TSNARE1: variants seen among roughly 807,000 people sequenced by gnomAD.
TSNARE1 encodes the protein t-SNARE domain containing 1.
Under a neutral mutation model 62.0 loss-of-function variants are expected in TSNARE1, and 49 were observed. The ratio of observed to expected loss-of-function variants is 0.79; its 90% CI spans 0.63 to 1.00. The LOEUF (loss-of-function observed/expected upper bound fraction) is 1.00, where lower values mean the gene tolerates loss of function less well. TSNARE1 is among the 50% of genes least tolerant of loss of function. TSNARE1 has a pLI of 0.00. For missense variants in TSNARE1, 755 were observed against 700.1 expected (o/e 1.08, Z -0.88); for synonymous variants, 328 against 294.4 (o/e 1.11, Z -1.17).
At chr8:142,270,216 G>A (rs532738810) in intron 12 of TSNARE1, 19 of 985,152 alleles carry the variant, frequency 1.9e-5, no homozygotes, top group African/African-American at 1.2e-4. Flanking sequence ...TGGCAGCCCC[G>A]CCAAGGGATC....
At chr8:142,333,377 G>T (rs10088016) in intron 4 of TSNARE1, among the ~76,000 whole-genome samples, 75,837 of 152,094 alleles carry the variant, frequency 0.5, 22,792 homozygotes, top group African/African-American at 0.84. Flanking sequence ...CGTGGGTGTC[G>T]GTGCAGTTCT....
chr8:142,379,130 G>C (rs1836545125), intron 1 of TSNARE1, among the ~76,000 whole-genome samples: 3 of 152,134 alleles, frequency 2.0e-5, no homozygotes, highest in Admixed American at 2.0e-4. Flanking sequence ...GCTCACACAT[G>C]TCCTCCCACC....
Position 142,300,476 on chromosome 8 carries a change from C to A in TSNARE1, c.1290+10G>T, listed in dbSNP as rs1348295727. 6.3e-7 allele frequency: 1 copy of A among 1,597,332 alleles called. No individual in the cohort carries two copies. Among genetic ancestry groups the A allele is most frequent in the South Asian group, 1.1e-5 (1 of 90,616 alleles). On this transcript the variant is annotated intron_variant, in intron 10 of 13. Transcript: ENST00000524325. ...TGGAGAGTGAGCACGCTTGCCCACG[C>A]CAGCCTCACCTCCATCTGCAGGATG... is the stretch of plus-strand genomic sequence containing the variant.
intron 12 of TSNARE1, among the ~76,000 whole-genome samples, chr8:142,262,714 C>G (rs900926833): frequency 6.6e-6 from 1 of 152,114 alleles, no homozygotes; most frequent in African/African-American, 2.4e-5. Context: ...GCATGTAAGA[C>G]GTGCCTACTT....
intron 12 of TSNARE1, among the ~76,000 whole-genome samples, chr8:142,251,841 G>A (rs1818183643): frequency 1.4e-5 from 2 of 145,978 alleles, no homozygotes; most frequent in Admixed American, 6.8e-5. Context: ...CTATCTGCAG[G>A]GCCCGGGCAC....
chr8:142,299,631 ACACGCACT>A (rs1198758502), intron 10 of TSNARE1, among the ~76,000 whole-genome samples: 1 of 152,218 alleles, frequency 6.6e-6, no homozygotes, highest in Non-Finnish European at 1.5e-5. Flanking sequence ...GCATGCACAC[ACACGCACT>A]CACGCACGCA....
At chr8:142,338,893 C>T (rs1275772084) in intron 4 of TSNARE1, among the ~76,000 whole-genome samples, 2 of 152,194 alleles carry the variant, frequency 1.3e-5, no homozygotes, top group Admixed American at 6.5e-5. Context: ...CCGGCCCTCC[C>T]TCTGCCATCT....
At chr8:142,287,208 G>A (rs1388261832) in intron 10 of TSNARE1, among the ~76,000 whole-genome samples, 8 of 146,910 alleles carry the variant, frequency 5.4e-5, no homozygotes, top group African/African-American at 2.0e-4. Context: ...CCAGATCTCA[G>A]GGACAGTGGG....
chr8:142,222,495 C>CTCAG (rs1816377241), intron 13 of TSNARE1, among the ~76,000 whole-genome samples: 1 of 111,926 alleles, frequency 8.9e-6, no homozygotes, highest in African/African-American at 3.3e-5. Context: ...CACTCATCCA[C>CTCAG]TCACTCATCC....
intron 1 of TSNARE1, among the ~76,000 whole-genome samples, chr8:142,397,642 C>A (rs772916510): frequency 6.6e-6 from 1 of 152,236 alleles, no homozygotes; most frequent in East Asian, 1.9e-4. Context: ...CTGGCCACAG[C>A]ACTGGGCCAG....
rs917024970 is a variant in TSNARE1 at position 142,284,342 on chromosome 8, G to A, written c.1363+71C>T. On this transcript the variant is annotated intron_variant, in intron 11 of 13. Transcript: ENST00000524325. ...CCCCTTCACCCACCCTTAGGTGAAG[G>A]GGTGAGGGCTGGGGGCTGGCAGGCA... 3.1e-6 allele frequency: 4 copies of A among 1,274,972 alleles called. No individual in the cohort carries two copies. The South Asian group carries it at 3.6e-5, about 11-fold the overall frequency. 79.0% of individuals were successfully genotyped at this position (1,274,972 alleles called of 1,614,324 possible). A position where few individuals can be genotyped will look rare whatever the true frequency, so the allele number is the denominator to read the frequency against.
intron 12 of TSNARE1, chr8:142,272,950 C>A (rs913263577): frequency 6.1e-6 from 6 of 985,454 alleles, no homozygotes; most frequent in Non-Finnish European, 7.2e-6. Flanking sequence ...TTCACAGATG[C>A]CTCATCCCTC....
intron 9 of TSNARE1, among the ~76,000 whole-genome samples, chr8:142,307,381 C>A (rs1826867852): frequency 1.3e-5 from 2 of 152,202 alleles, no homozygotes; most frequent in East Asian, 3.8e-4. Flanking sequence ...CATGTGACTT[C>A]TGTCAACACA....
intron 1 of TSNARE1, among the ~76,000 whole-genome samples, chr8:142,389,934 C>A (rs1488225732): frequency 1.3e-5 from 2 of 152,142 alleles, no homozygotes; most frequent in Admixed American, 1.3e-4. Context: ...ATGCTGGAGC[C>A]CAATACACAC....
chr8:142,214,324 G>T (rs1815725614), intron 13 of TSNARE1, among the ~76,000 whole-genome samples: 1 of 152,204 alleles, frequency 6.6e-6, no homozygotes, highest in African/African-American at 2.4e-5. Context: ...CCGCCATGGG[G>T]CTCGGCCTTG....
chr8:142,319,160 G>A lies in TSNARE1; in HGVS notation c.894-526C>T, dbSNP rs561426536. ...ACTGCGAGGACCACCTTGCTCCGCC[G>A]CAACCACCCCCAAATACCCCACAGA... On this transcript the variant is annotated intron_variant, in intron 6 of 13. Transcript: ENST00000524325. The surrounding 1 kb of genome is among the most constrained non-coding windows in gnomAD (Gnocchi z 4.9). 1.3e-3 allele frequency among the ~76,000 whole-genome samples: 198 copies of A among 152,104 alleles called. No homozygotes were observed. The highest frequency in any genetic ancestry group is 0.011 in the South Asian group (53 of 4,816).
chr8:142,218,151 T>A lies in TSNARE1; in HGVS notation c.*12-5838A>T, dbSNP rs115251728. Among the ~76,000 whole-genome samples, 117 of 58,312 alleles carry A rather than the reference T, an allele frequency of 2.0e-3. 12 individuals are homozygous for A. Among genetic ancestry groups the A allele is most frequent in the African/African-American group, 2.7e-3 (30 of 11,160 alleles). The allele number at this position is 58,312 out of a possible 152,430, so 38.3% of individuals were successfully genotyped here. The stretch of plus-strand genomic sequence containing the variant: ...TCCGTGTGACCAGGATCAGGCTCAG[T>A]GTGTGGCCAGGGTCAGGCCTCAGTG... On this transcript the variant is annotated intron_variant, in intron 13 of 13. Coordinates refer to ENST00000524325, the MANE Select transcript of TSNARE1 (RefSeq NM_145003.5).
At chr8:142,284,303 G>T in intron 11 of TSNARE1, 110 bp downstream of exon 11, 1 of 820,708 alleles carries the variant, frequency 1.2e-6, no homozygotes. Flanking sequence ...CCTGGGCCTG[G>T]CTCCTCTTAG....
intron 9 of TSNARE1, among the ~76,000 whole-genome samples, chr8:142,306,842 A>G (rs1826772873): frequency 6.6e-6 from 1 of 152,216 alleles, no homozygotes; most frequent in Non-Finnish European, 1.5e-5. Flanking sequence ...AAGGCAATAC[A>G]TCTGTGTTTC....
Sources: allele counts gnomAD v4.1 joint callset (sites outside exome capture counted in the v4.1 genomes callset), GRCh38; gene constraint gnomAD v4.1.1; non-coding constraint Gnocchi (gnomAD v3.1); transcripts MANE v1.5; gene names NCBI Gene and HGNC (gene_info 2026-07-23, HGNC 2026-07-21).